Variants in FAT3 observed in about 807,000 individuals in gnomAD.
The protein encoded by FAT3 is protocadherin Fat 3.
In FAT3, 95 loss-of-function variants were observed where a neutral mutation model predicts 310.2. The ratio of observed to expected loss-of-function variants is 0.31; its 90% CI spans 0.26 to 0.36. FAT3 has a LOEUF of 0.36. FAT3 is among the 10% of genes least tolerant of loss of function. The pLI is 1.00. For synonymous variants in FAT3, 2,314 were observed against 2,192.9 expected, an observed-to-expected ratio of 1.06 and a Z score of -1.54; for missense variants, 5,408 against 5,715.6, an observed-to-expected ratio of 0.95 and a Z score of 1.74.
intron 1 of FAT3, among the ~76,000 whole-genome samples, chr11:92,300,347 T>A (rs1224803919): frequency 6.6e-6 from 1 of 152,098 alleles, no homozygotes; most frequent in Non-Finnish European, 1.5e-5. Context: ...AGAGTTTGGG[T>A]GTGCATTTAT....
At chr11:92,497,766 G>A (rs1215048897) in intron 2 of FAT3, among the ~76,000 whole-genome samples, 1 of 152,050 alleles carries the variant, frequency 6.6e-6, no homozygotes, top group East Asian at 1.9e-4. Context: ...CAAATTTGGA[G>A]GAGAGAGGGC....
chr11:92,283,307 G>T (rs780900319), intron 1 of FAT3, among the ~76,000 whole-genome samples: 2 of 152,268 alleles, frequency 1.3e-5, no homozygotes, highest in South Asian at 2.1e-4. Flanking sequence ...TTTACTTGAC[G>T]TGTAGGTTGG....
intron 3 of FAT3, among the ~76,000 whole-genome samples, chr11:92,650,087 G>A (rs1404176305): frequency 1.3e-5 from 2 of 148,506 alleles, no homozygotes; most frequent in South Asian, 2.2e-4. Flanking sequence ...CTGATGAATA[G>A]GTCTATAGGA....
chr11:92,677,272 A>T (rs185255786), intron 3 of FAT3, among the ~76,000 whole-genome samples: 49 of 152,362 alleles, frequency 3.2e-4, no homozygotes, highest in Middle Eastern at 3.4e-3. Flanking sequence ...AAAGAGATAC[A>T]GAACTGCCCC....
chr11:92,303,475 C>T (rs1591077652), intron 1 of FAT3, among the ~76,000 whole-genome samples: 2 of 152,122 alleles, frequency 1.3e-5, no homozygotes, highest in African/African-American at 2.4e-5. Context: ...AAAAGTACAA[C>T]CTAGATATGT....
chr11:92,692,978 G>T (rs991261808), intron 3 of FAT3, among the ~76,000 whole-genome samples: 1 of 152,192 alleles, frequency 6.6e-6, no homozygotes, highest in African/African-American at 2.4e-5. Context: ...ATCCTTACAA[G>T]TATCACTTCT....
intron 3 of FAT3, among the ~76,000 whole-genome samples, chr11:92,588,702 C>G (rs948384336): frequency 6.6e-6 from 1 of 151,338 alleles, no homozygotes; most frequent in Non-Finnish European, 1.5e-5. Context: ...TAGACATCAG[C>G]CAGATGGGTT....
chr11:92,737,911 C>T (rs919875597), intron 4 of FAT3, among the ~76,000 whole-genome samples: 5 of 152,052 alleles, frequency 3.3e-5, no homozygotes, highest in African/African-American at 1.2e-4. Context: ...AATCTGCCCC[C>T]TGATTGCTTC....
intron 3 of FAT3, chr11:92,559,383 C>CTTTTTTTT: frequency 1.4e-5 from 2 of 144,006 alleles, no homozygotes; most frequent in Non-Finnish European, 2.7e-5. Flanking sequence ...ACTTATTTTC[C>CTTTTTTTT]TTTTTTTTTT....
chr11:92,785,051 T>C (rs1267625813), intron 7 of FAT3, among the ~76,000 whole-genome samples: 1 of 151,826 alleles, frequency 6.6e-6, no homozygotes, highest in Non-Finnish European at 1.5e-5. Flanking sequence ...TTTTTAACCC[T>C]TTTTCTACCA....
Position 92,837,136 on chromosome 11 carries a change from T to G in FAT3, c.10224+433T>G, listed in dbSNP as rs150828239. ...CAAGGTTAAGTGAAGTTTCTAAACA[T>G]TGTCTTTCTTGACCAAAAAATATTC... On this transcript the variant is annotated intron_variant, in intron 16 of 27. Transcript: ENST00000525166. Among the ~76,000 whole-genome samples the G allele has an allele frequency of 7.9e-4, 121 of 152,286 alleles. 3 individuals carry two copies. The highest frequency in any genetic ancestry group is 4.1e-3 in the East Asian group (21 of 5,182).
intron 1 of FAT3, among the ~76,000 whole-genome samples, chr11:92,341,991 A>G (rs540244721): frequency 2.6e-5 from 4 of 151,818 alleles, no homozygotes; most frequent in Non-Finnish European, 4.4e-5. Context: ...TTCATTGTCT[A>G]CCTACCATGG....
intron 1 of FAT3, among the ~76,000 whole-genome samples, chr11:92,241,696 G>A (rs571475535): frequency 2.6e-5 from 4 of 151,968 alleles, no homozygotes; most frequent in African/African-American, 9.6e-5. Flanking sequence ...TGTTGCTGGT[G>A]TTTCATTTGC....
At chr11:92,261,508 T>C (rs1340743448) in intron 1 of FAT3, among the ~76,000 whole-genome samples, 1 of 152,118 alleles carries the variant, frequency 6.6e-6, no homozygotes, top group Non-Finnish European at 1.5e-5. Flanking sequence ...TTTCTCTTGC[T>C]CTTTTTGTCT....
At chr11:92,228,988 G>A (rs1864035285) in intron 1 of FAT3, among the ~76,000 whole-genome samples, 1 of 152,162 alleles carries the variant, frequency 6.6e-6, no homozygotes, top group Admixed American at 6.5e-5. Context: ...AAGGACTATT[G>A]ATGAACCACT....
chr11:92,304,813 T>TG (rs1565213488), intron 1 of FAT3, among the ~76,000 whole-genome samples: 1 of 151,992 alleles, frequency 6.6e-6, no homozygotes, highest in Non-Finnish European at 1.5e-5. Flanking sequence ...GGTAAGCAGG[T>TG]GTGAGGTCTG....
chr11:92,371,231 A>G (rs1053362042), intron 2 of FAT3, among the ~76,000 whole-genome samples: 3 of 152,196 alleles, frequency 2.0e-5, no homozygotes, highest in African/African-American at 7.2e-5. Flanking sequence ...TAAGGATTCT[A>G]TGGGGTATGT....
At chr11:92,618,853 C>A (rs968324390) in intron 3 of FAT3, among the ~76,000 whole-genome samples, 1 of 151,710 alleles carries the variant, frequency 6.6e-6, no homozygotes, top group African/African-American at 2.4e-5. Context: ...TATTTAATTG[C>A]CCTAGATAGA....
chr11:92,279,182 T>C (rs1946356934), intron 1 of FAT3, among the ~76,000 whole-genome samples: 1 of 152,288 alleles, frequency 6.6e-6, no homozygotes, highest in Admixed American at 6.5e-5. Context: ...CCTTAGGATA[T>C]GCAGTTTTAT....
Sources: gnomAD v4.1 joint callset for allele counts (sites outside exome capture counted in the v4.1 genomes callset) on GRCh38, gnomAD v4.1.1 for gene constraint, MANE v1.5 for transcripts, NCBI Gene and HGNC (gene_info 2026-07-23, HGNC 2026-07-21) for gene names.